FAM89B: variants seen among roughly 807,000 people sequenced by gnomAD.
FAM89B encodes family with sequence similarity 89 member B.
Under a neutral mutation model 13.4 loss-of-function variants are expected in FAM89B, and 9 were observed. That is an observed-to-expected ratio of 0.67 (90% confidence interval 0.40 to 1.17). The LOEUF is 1.17. Ranked by LOEUF, FAM89B falls within the 50% of genes most tolerant of loss-of-function variation. The probability of loss-of-function intolerance (pLI) is 0.01; values close to 1 mark genes in which losing one functional copy is unlikely to be tolerated. For missense variants in FAM89B, 256 were observed against 256.1 expected, an observed-to-expected ratio of 1.00 and a Z score of 0.00; for synonymous variants, 138 against 121.2, an observed-to-expected ratio of 1.14 and a Z score of -0.91.
chr11:65,572,890 C>A lies in FAM89B; in HGVS notation c.221C>A (p.Ala74Glu), dbSNP rs1857158265. 3 of 1,209,424 alleles carry A rather than the reference C, an allele frequency of 2.5e-6. No homozygotes were observed. Among genetic ancestry groups the A allele is most frequent in the Middle Eastern group, 3.2e-4 (1 of 3,112 alleles). 74.9% of individuals were successfully genotyped at this position (1,209,424 alleles called of 1,614,324 possible). The part of the protein sequence containing the change: ...GPRHAAGAAN[A>E]GPAAGPRRPV... ...CGCCACGCCGCCGGCGCCGCCAACG[C>A]GGGACCCGCAGCCGGCCCGCGTCGT... is the stretch of plus-strand genomic sequence containing the variant. Residue 74 changes from alanine to glutamate, a missense_variant, in exon 1 of 2, where the codon GCG becomes GAG. Coordinates refer to ENST00000530349, the MANE Select transcript of FAM89B (RefSeq NM_001098785.2).
In FAM89B at chr11:65,573,733, C is replaced by G; in HGVS notation, c.*92C>G. The G allele has an allele frequency of 1.4e-6, 2 of 1,417,934 alleles. No homozygotes were observed. The highest frequency in any genetic ancestry group is 1.4e-5 in the South Asian group (1 of 73,956). 87.8% of individuals were successfully genotyped at this position (1,417,934 alleles called of 1,614,324 possible). The stretch of plus-strand genomic sequence containing the variant: ...CAGACTTCGGAGCCTGCGCCTTCCC[C>G]CCTACCGCCTCACCTCACAGGAGGG... On this transcript the variant is annotated 3_prime_UTR_variant, in exon 2 of 2. Transcript: ENST00000530349.
Position 65,572,799 on chromosome 11 carries a change from G to T in FAM89B, c.130G>T (p.Val44Phe), listed in dbSNP as rs955284004. Residue 44 changes from valine to phenylalanine, a missense_variant, in exon 1 of 2, where the codon GTC becomes TTC. By Grantham distance (50) the Val-to-Phe change is conservative. Coordinates refer to ENST00000530349, the MANE Select transcript of FAM89B (RefSeq NM_001098785.2). ...GGGCTCGTGGCGGGAGCTGGAGCGC[G>T]TCTACAGCCAGCGCAGCCGCATCCA... The part of the protein sequence containing the change: ...SGGSWRELER[V>F]YSQRSRIHDE... 2.5e-6 allele frequency: 3 copies of T among 1,206,544 alleles called. No individual in the cohort carries two copies. The Admixed American group carries it at 1.1e-4, about 43-fold the overall frequency. The allele number at this position is 1,206,544 out of a possible 1,614,324, so 74.7% of individuals were successfully genotyped here. A position where few individuals can be genotyped will look rare whatever the true frequency, so the allele number is the denominator to read the frequency against.
Position 65,572,894 on chromosome 11 carries a change from A to G in FAM89B, c.225A>G (p.Gly75=), listed in dbSNP as rs1857158351. The change falls in exon 1 of 2, where the codon GGA becomes GGG. Residue 75 remains glycine, a synonymous_variant. Transcript: ENST00000530349. The part of the protein sequence containing the change: ...PRHAAGAANA[G]PAAGPRRPVN... ...ACGCCGCCGGCGCCGCCAACGCGGG[A>G]CCCGCAGCCGGCCCGCGTCGTCCTG... The G allele has an allele frequency of 8.3e-7, 1 of 1,211,200 alleles. No homozygotes were observed. Among genetic ancestry groups the G allele is most frequent in the African/African-American group, 1.6e-5 (1 of 63,096 alleles). 75.0% of individuals were successfully genotyped at this position (1,211,200 alleles called of 1,614,324 possible).
chr11:65,573,668 C>G lies in FAM89B; in HGVS notation c.*27C>G, dbSNP rs762170956. On this transcript the variant is annotated 3_prime_UTR_variant, in exon 2 of 2. Transcript: ENST00000530349. The stretch of plus-strand genomic sequence containing the variant: ...GGGCTGGGGGGCAGGGGGCATGCAC[C>G]CATGCAAAAGGCTCAGAAACTCCCC... The G allele has an allele frequency of 5.1e-6, 8 of 1,565,418 alleles. No individual in the cohort carries two copies. Among genetic ancestry groups the G allele is most frequent in the Admixed American group, 1.8e-5 (1 of 56,796 alleles).
chr11:65,573,538 C>T lies in FAM89B; in HGVS notation c.467C>T (p.Pro156Leu). The T allele has an allele frequency of 1.2e-6, 2 of 1,614,100 alleles. No individual in the cohort carries two copies. The highest frequency in any genetic ancestry group is 1.3e-5 in the African/African-American group (1 of 75,062). Residue 156 changes from proline to leucine, a missense_variant, in exon 2 of 2, where the codon CCT (proline) becomes CTT (leucine). Pro to Leu is a moderately conservative substitution (Grantham distance 98). Transcript: ENST00000530349. ...GCGGGCCTGTCTGACGACGAGGAGC[C>T]TCCCGATGCCAGCCTGCCTCCTGAC... ...PDAGLSDDEE[P>L]PDASLPPDPP...
Position 65,573,500 on chromosome 11 carries a change from C to T in FAM89B, c.429C>T (p.Ser143=), listed in dbSNP as rs1460534468. ...CATCCTCCCTCCATTCGGACAGCTC[C>T]TACCCACCGGATGCGGGCCTGTCTG... The part of the protein sequence containing the change: ...DLSSSLHSDS[S]YPPDAGLSDD... Residue 143 remains serine (S), a synonymous_variant, in exon 2 of 2, where the codon TCC becomes TCT. Transcript: ENST00000530349. 1.9e-6 allele frequency: 3 copies of T among 1,614,172 alleles called. No homozygotes were observed. In the Admixed American group the frequency reaches 5.0e-5, roughly 27 times the overall value.
Position 65,572,748 on chromosome 11 carries a change from C to G in FAM89B, c.79C>G (p.Leu27Val). ...LAGLPPLPRG[L>V]SGLLNASGGS... ...CGGGCTCCCACCGCTGCCGCGCGGC[C>G]TCAGCGGCCTCCTTAATGCGAGCGG... The change falls in exon 1 of 2, where the codon CTC becomes GTC. Residue 27 changes from leucine to valine, a missense_variant. Physicochemically the swap from Leu to Val is conservative, Grantham distance 32 (BLOSUM62 1). Coordinates refer to ENST00000530349, the MANE Select transcript of FAM89B (RefSeq NM_001098785.2). 1 of 1,175,794 alleles carries G rather than the reference C, an allele frequency of 8.5e-7. No individual in the cohort carries two copies. The highest frequency in any genetic ancestry group is 1.1e-6 in the Non-Finnish European group (1 of 949,646). 72.8% of individuals were successfully genotyped at this position (1,175,794 alleles called of 1,614,324 possible).
chr11:65,573,073 A>G, intron 1 of FAM89B, 113 bp downstream of exon 1: 1 of 1,012,570 alleles, frequency 9.9e-7, no homozygotes, highest in Non-Finnish European at 1.3e-6. Context: ...TTGGGTTGCA[A>G]GGGTTATGGT....
Position 65,572,838 on chromosome 11 carries a change from C to A in FAM89B, c.169C>A (p.Arg57Ser), listed in dbSNP as rs2135189264. The change falls in exon 1 of 2, where the codon CGC becomes AGC. Residue 57 changes from arginine (R) to serine (S), a missense_variant. By Grantham distance (110) the Arg-to-Ser change is moderately radical. Coordinates refer to ENST00000530349, the MANE Select transcript of FAM89B (RefSeq NM_001098785.2). ...QRSRIHDELS[R>S]AARAPDGPRH... is the part of the protein sequence containing the mutation. Reference sequence around the variant, plus strand: ...CAGCCGCATCCACGACGAGCTGAGCCGCGCCGCCCGCGCCCCGGACGGGCC... The same window carrying A: ...CAGCCGCATCCACGACGAGCTGAGCAGCGCCGCCCGCGCCCCGGACGGGCC... 8.4e-7 allele frequency: 1 copy of A among 1,194,726 alleles called. No individual in the cohort carries two copies. The highest frequency in any genetic ancestry group is 1.0e-6 in the Non-Finnish European group (1 of 962,044). 74.0% of individuals were successfully genotyped at this position (1,194,726 alleles called of 1,614,324 possible).
In FAM89B at chr11:65,572,724, G is replaced by T; in HGVS notation, c.55G>T (p.Gly19Trp). 8.6e-7 allele frequency: 1 copy of T among 1,164,020 alleles called. No homozygotes were observed. The highest frequency in any genetic ancestry group is 1.1e-6 in the Non-Finnish European group (1 of 944,456). The allele number at this position is 1,164,020 out of a possible 1,614,324, so 72.1% of individuals were successfully genotyped here. A position where few individuals can be genotyped will look rare whatever the true frequency, so the allele number is the denominator to read the frequency against. ...APGGAGCALA[G>W]LPPLPRGLSG... Reference sequence around the variant, plus strand: ...GGGCGGGGCGGGCTGCGCTTTGGCCGGGCTCCCACCGCTGCCGCGCGGCCT... The same window carrying T: ...GGGCGGGGCGGGCTGCGCTTTGGCCTGGCTCCCACCGCTGCCGCGCGGCCT... Residue 19 changes from glycine (G) to tryptophan (W), a missense_variant, in exon 1 of 2, where the codon GGG (glycine) becomes TGG (tryptophan). Gly to Trp is a radical substitution (Grantham distance 184). Coordinates refer to ENST00000530349, the MANE Select transcript of FAM89B (RefSeq NM_001098785.2).
Position 65,572,722 on chromosome 11 carries a change from C to T in FAM89B, c.53C>T (p.Ala18Val). Residue 18 changes from alanine (A) to valine (V), a missense_variant, in exon 1 of 2, where the codon GCC (alanine) becomes GTC (valine). By Grantham distance (64) the Ala-to-Val change is moderately conservative. Coordinates refer to ENST00000530349, the MANE Select transcript of FAM89B (RefSeq NM_001098785.2). ...EAPGGAGCAL[A>V]GLPPLPRGLS... ...CCGGGCGGGGCGGGCTGCGCTTTGG[C>T]CGGGCTCCCACCGCTGCCGCGCGGC... is the stretch of plus-strand genomic sequence containing the variant. 8.6e-7 allele frequency: 1 copy of T among 1,164,128 alleles called. No homozygotes were observed. Among genetic ancestry groups the T allele is most frequent in the East Asian group, 4.0e-5 (1 of 25,134 alleles). The allele number at this position is 1,164,128 out of a possible 1,614,324, so 72.1% of individuals were successfully genotyped here.
chr11:65,573,057 C>A, intron 1 of FAM89B, 97 bp downstream of exon 1: 1 of 1,132,040 alleles, frequency 8.8e-7, no homozygotes, highest in Non-Finnish European at 1.1e-6. Flanking sequence ...GACTTGCAGG[C>A]ACCAGTTGGG....
At position 65,572,750 on chromosome 11, in the gene FAM89B, C is replaced by A; in HGVS notation, c.81C>A (p.Leu27=). 1 of 1,178,162 alleles carries A rather than the reference C, an allele frequency of 8.5e-7. No homozygotes were observed. The highest frequency in any genetic ancestry group is 1.1e-6 in the Non-Finnish European group (1 of 950,786). 73.0% of individuals were successfully genotyped at this position (1,178,162 alleles called of 1,614,324 possible). A position where few individuals can be genotyped will look rare whatever the true frequency, so the allele number is the denominator to read the frequency against. The change falls in exon 1 of 2, where the codon CTC becomes CTA. Residue 27 remains leucine, a synonymous_variant. Transcript: ENST00000530349. The part of the protein sequence containing the change: ...LAGLPPLPRG[L]SGLLNASGGS... ...GGCTCCCACCGCTGCCGCGCGGCCTCAGCGGCCTCCTTAATGCGAGCGGGG... is the reference window on the plus strand; with the variant it reads ...GGCTCCCACCGCTGCCGCGCGGCCTAAGCGGCCTCCTTAATGCGAGCGGGG...
At chr11:65,573,075 G>A (rs1857161939) in intron 1 of FAM89B, 115 bp downstream of exon 1, 4 of 1,013,282 alleles carry the variant, frequency 3.9e-6, no homozygotes, top group South Asian at 4.0e-5. Context: ...GGGTTGCAAG[G>A]GTTATGGTAA....
In FAM89B at chr11:65,573,704, C is replaced by T; in HGVS notation, c.*63C>T. ...GCTCAGAAACTCCCCCTCCGGCAAG[C>T]CCTCAGACTTCGGAGCCTGCGCCTT... On this transcript the variant is annotated 3_prime_UTR_variant, in exon 2 of 2. Coordinates refer to ENST00000530349, the MANE Select transcript of FAM89B (RefSeq NM_001098785.2). 6.6e-7 allele frequency: 1 copy of T among 1,520,552 alleles called. No homozygotes were observed. Among genetic ancestry groups the T allele is most frequent in the East Asian group, 2.3e-5 (1 of 43,962 alleles). The allele number at this position is 1,520,552 out of a possible 1,614,324, so 94.2% of individuals were successfully genotyped here.
At chr11:65,573,112 T>C (rs1270622020) in intron 1 of FAM89B, 152 bp downstream of exon 1, 20 of 819,834 alleles carry the variant, frequency 2.4e-5, no homozygotes, top group Non-Finnish European at 3.2e-5. Flanking sequence ...TTACCAATTA[T>C]GGCAGTAGTT....
chr11:65,573,754 G>A lies in FAM89B; in HGVS notation c.*113G>A, dbSNP rs1489857186. 1 of 1,293,276 alleles carries A rather than the reference G, an allele frequency of 7.7e-7. No individual in the cohort carries two copies. The highest frequency in any genetic ancestry group is 1.0e-6 in the Non-Finnish European group (1 of 953,210). The allele number at this position is 1,293,276 out of a possible 1,614,324, so 80.1% of individuals were successfully genotyped here. ...TCCCCCCTACCGCCTCACCTCACAG[G>A]AGGGCCAGGCATGTATTCCTCAGAG... is the stretch of plus-strand genomic sequence containing the variant. On this transcript the variant is annotated 3_prime_UTR_variant, in exon 2 of 2. Coordinates refer to ENST00000530349, the MANE Select transcript of FAM89B (RefSeq NM_001098785.2).
At chr11:65,573,271 G>C (rs755138864) in intron 1 of FAM89B, 92 bp from the exon 2 acceptor site, 521 of 1,399,046 alleles carry the variant, frequency 3.7e-4, no homozygotes, top group Non-Finnish European at 4.6e-4. Flanking sequence ...GGAAGGTGCG[G>C]GGAAGATGGG....
rs1354461773 is a variant in FAM89B, at chr11:65,573,689, T to A, written c.*48T>A. 1 of 1,528,244 alleles carries A rather than the reference T, an allele frequency of 6.5e-7. No individual in the cohort carries two copies. The highest frequency in any genetic ancestry group is 2.3e-5 in the East Asian group (1 of 43,510). 94.7% of individuals were successfully genotyped at this position (1,528,244 alleles called of 1,614,324 possible). On this transcript the variant is annotated 3_prime_UTR_variant, in exon 2 of 2. Transcript: ENST00000530349. ...GCACCCATGCAAAAGGCTCAGAAAC[T>A]CCCCCTCCGGCAAGCCCTCAGACTT...
Sources: allele counts gnomAD v4.1 joint callset, GRCh38; gene constraint gnomAD v4.1.1; transcripts MANE v1.5; gene names NCBI Gene and HGNC (gene_info 2026-07-23, HGNC 2026-07-21).